The following PTPRM variants were observed in gnomAD, a reference collection of about 807,000 sequenced individuals.
The protein encoded by PTPRM is protein tyrosine phosphatase receptor type M.
Under a neutral mutation model 186.7 loss-of-function variants are expected in PTPRM, and 47 were observed. The ratio of observed to expected loss-of-function variants is 0.25; its 90% confidence interval spans 0.20 to 0.32. The LOEUF (loss-of-function observed/expected upper bound fraction) is 0.32, where lower values mean the gene tolerates loss of function less well. Among genes scored for constraint, PTPRM ranks in the 10% least tolerant of loss-of-function variants. PTPRM has a pLI of 1.00. For synonymous variants in PTPRM, 668 were observed against 674.9 expected, an observed-to-expected ratio of 0.99 and a Z score of 0.16; for missense variants, 1,494 against 1,865.0, an observed-to-expected ratio of 0.80 and a Z score of 3.66.
chr18:8,244,297 AGCTTCCTG>A, intron 15 of PTPRM, 88 bp downstream of exon 15: 15 of 1,265,306 alleles, frequency 1.2e-5, no homozygotes, highest in East Asian at 2.7e-5. Context: ...AAAAAAAAAA[AGCTTCCTG>A]AAGAAATTTT....
At chr18:7,894,720 C>T (rs901169782) in intron 3 of PTPRM, among the ~76,000 whole-genome samples, 1 of 151,822 alleles carries the variant, frequency 6.6e-6, no homozygotes, top group African/African-American at 2.4e-5. Context: ...CATTCTCAGG[C>T]TGTTTCTAGG....
At chr18:7,831,920 C>T (rs993594068) in intron 2 of PTPRM, among the ~76,000 whole-genome samples, 7 of 152,152 alleles carry the variant, frequency 4.6e-5, no homozygotes, top group African/African-American at 1.7e-4. Context: ...AGCATAATGT[C>T]CTCCAGTTCC....
At chr18:8,094,066 A>C (rs910978313) in intron 11 of PTPRM, among the ~76,000 whole-genome samples, 1 of 152,186 alleles carries the variant, frequency 6.6e-6, no homozygotes, top group Admixed American at 6.6e-5. Flanking sequence ...CAAGAGTTTG[A>C]TCCTGGCTTA....
At chr18:7,874,549 CA>C (rs369374276) in intron 2 of PTPRM, among the ~76,000 whole-genome samples, 44 of 136,760 alleles carry the variant, frequency 3.2e-4, no homozygotes, top group East Asian at 4.3e-4. Flanking sequence ...ATGCTAGAGG[CA>C]AAAAAAAAAG....
chr18:7,916,660 A>G (rs1048730999), intron 4 of PTPRM, among the ~76,000 whole-genome samples: 1 of 152,188 alleles, frequency 6.6e-6, no homozygotes, highest in African/African-American at 2.4e-5. Context: ...AACAAAAAAT[A>G]AATCGACACA....
At chr18:7,940,200 A>G (rs2052078902) in intron 5 of PTPRM, among the ~76,000 whole-genome samples, 1 of 152,186 alleles carries the variant, frequency 6.6e-6, no homozygotes, top group South Asian at 2.1e-4. Context: ...CAATGCCTGA[A>G]TCACTTTTAA....
intron 22 of PTPRM, among the ~76,000 whole-genome samples, chr18:8,333,113 T>C (rs2095420662): frequency 6.6e-6 from 1 of 152,230 alleles, no homozygotes; most frequent in East Asian, 1.9e-4. Flanking sequence ...TTGATTTCCA[T>C]TGTTTCCTTT....
intron 11 of PTPRM, among the ~76,000 whole-genome samples, chr18:8,100,975 A>AT (rs1193336307): frequency 6.6e-6 from 1 of 152,196 alleles, no homozygotes; most frequent in African/African-American, 2.4e-5. Flanking sequence ...CAATACTTCT[A>AT]TAGAAGTTGT....
chr18:8,079,928 A>G (rs879896636), intron 9 of PTPRM, among the ~76,000 whole-genome samples: 3 of 152,156 alleles, frequency 2.0e-5, no homozygotes, highest in Non-Finnish European at 2.9e-5. Flanking sequence ...GCTACGTAGT[A>G]ATAAGAAAAA....
intron 3 of PTPRM, among the ~76,000 whole-genome samples, chr18:7,888,938 A>T (rs1267672215): frequency 6.6e-6 from 1 of 152,156 alleles, no homozygotes; most frequent in Admixed American, 6.5e-5. Context: ...GGACATAAAG[A>T]TGGGAATAGT....
intron 1 of PTPRM, among the ~76,000 whole-genome samples, chr18:7,634,212 T>A (rs746309269): frequency 1.3e-4 from 20 of 152,220 alleles, no homozygotes; most frequent in Admixed American, 3.3e-4. Context: ...CGTGAGAATG[T>A]TCATTCCATA....
At chr18:7,823,851 G>C (rs866152618) in intron 2 of PTPRM, among the ~76,000 whole-genome samples, 5 of 152,066 alleles carry the variant, frequency 3.3e-5, no homozygotes, top group African/African-American at 7.2e-5. Context: ...CCTTGTGATC[G>C]TGTGAGTCAG....
chr18:7,627,458 C>G (rs1375079392), intron 1 of PTPRM, among the ~76,000 whole-genome samples: 1 of 152,170 alleles, frequency 6.6e-6, no homozygotes, highest in East Asian at 1.9e-4. Flanking sequence ...AGAACTGGCC[C>G]TTCCCAGTGA....
chr18:8,404,051 T>G (rs2095887885), intron 32 of PTPRM: 2 of 152,196 alleles, frequency 1.3e-5, no homozygotes, highest in Non-Finnish European at 2.9e-5. Context: ...ATGTTTTCAG[T>G]TTCCTTAGGT....
At chr18:7,830,119 G>T (rs2045685709) in intron 2 of PTPRM, among the ~76,000 whole-genome samples, 1 of 152,136 alleles carries the variant, frequency 6.6e-6, no homozygotes, top group African/African-American at 2.4e-5. Context: ...ATGTAGTAAT[G>T]TAGTATATTT....
chr18:8,184,326 A>C (rs1237353192), intron 14 of PTPRM, among the ~76,000 whole-genome samples: 2 of 120,626 alleles, frequency 1.7e-5, no homozygotes, highest in African/African-American at 2.7e-5. Context: ...TCCTGCTGCA[A>C]CTATGTAAAA....
chr18:8,372,053 A>ATATATATATATATATATATATAT, intron 24 of PTPRM, among the ~76,000 whole-genome samples: 1 of 68,516 alleles, frequency 1.5e-5, no homozygotes, highest in African/African-American at 4.9e-5. Flanking sequence ...TCCACTCTAT[A>ATATATATATATATATATATATAT]TTCTTTTTTT....
chr18:7,651,822 C>G, intron 1 of PTPRM, among the ~76,000 whole-genome samples: 1 of 152,058 alleles, frequency 6.6e-6, no homozygotes, highest in African/African-American at 2.4e-5. Flanking sequence ...TAGGCATTAC[C>G]ATTCAGGACA....
chr18:8,352,423 T>C (rs943191156), intron 23 of PTPRM, among the ~76,000 whole-genome samples: 2 of 152,154 alleles, frequency 1.3e-5, no homozygotes, highest in African/African-American at 4.8e-5. Context: ...AGGTAGTTTT[T>C]AAACCCTTTC....
Sources: gnomAD v4.1 joint callset for allele counts (sites outside exome capture counted in the v4.1 genomes callset) on GRCh38, gnomAD v4.1.1 for gene constraint, MANE v1.5 for transcripts, NCBI Gene and HGNC (gene_info 2026-07-23, HGNC 2026-07-21) for gene names.